The following FANCL variants were observed in gnomAD, a reference collection of about 807,000 sequenced individuals.
FANCL encodes the protein FA complementation group L.
In FANCL, 69 loss-of-function variants were observed where a neutral mutation model predicts 59.4. The observed-to-expected ratio is 1.16, with a 90% CI of 0.96 to 1.42. The LOEUF (loss-of-function observed/expected upper bound fraction) is 1.42. Ranked by LOEUF, FANCL falls within the 40% of genes most tolerant of loss-of-function variation. The pLI, the probability that FANCL is intolerant of heterozygous loss-of-function variation, is 0.00. For missense variants in FANCL, 519 were observed against 447.2 expected (o/e 1.16, Z -1.45); for synonymous variants, 180 against 147.1 (o/e 1.22, Z -1.62).
At position 58,217,166 on chromosome 2, in the gene FANCL, TTATATATATATATATATA is replaced by T. The variant is rs1158149205; in HGVS notation, c.374+4758_374+4775del. Among the ~76,000 whole-genome samples, 28 of 47,346 alleles carry T rather than the reference TTATATATATATATATATA, an allele frequency of 5.9e-4. 1 individual carries two copies. The highest frequency in any genetic ancestry group is 7.8e-4 in the East Asian group (1 of 1,284). 31.1% of individuals were successfully genotyped at this position (47,346 alleles called of 152,430 possible). ...AGATTTATATATATATTTATATATT[TTATATATATATATATATA>T]TATATATATATATATATATATATAT... On this transcript the variant is annotated intron_variant, in intron 5 of 13. Transcript: ENST00000233741.
At chr2:58,181,956 AAAT>A (rs1396042403) in intron 7 of FANCL, among the ~76,000 whole-genome samples, 2 of 151,844 alleles carry the variant, frequency 1.3e-5, no homozygotes, top group Non-Finnish European at 3.0e-5. Context: ...CTATATATTT[AAAT>A]AATATATTTA....
chr2:58,162,047 A>T (rs848290), intron 11 of FANCL, among the ~76,000 whole-genome samples: 7,720 of 151,944 alleles, frequency 0.051, 264 homozygotes, highest in South Asian at 0.091. Flanking sequence ...GGCTGGCAAG[A>T]TGTTTGGGCA....
intron 1 of FANCL, among the ~76,000 whole-genome samples, chr2:58,233,790 G>A (rs990786016): frequency 6.6e-6 from 1 of 151,978 alleles, no homozygotes; most frequent in African/African-American, 2.4e-5. Context: ...CCTACAAAGA[G>A]AAGACTTAAT....
chr2:58,174,677 G>C (rs550727668), intron 7 of FANCL, among the ~76,000 whole-genome samples: 3 of 152,074 alleles, frequency 2.0e-5, no homozygotes, highest in African/African-American at 7.2e-5. Flanking sequence ...ATGCCCACAA[G>C]AGAAAGCAGC....
At chr2:58,168,535 T>C (rs13032851) in intron 7 of FANCL, among the ~76,000 whole-genome samples, 12,048 of 152,048 alleles carry the variant, frequency 0.079, 629 homozygotes, top group East Asian at 0.2. Context: ...TGGGCAGACA[T>C]TGAGCTAGCT....
At position 58,161,495 on chromosome 2, in the gene FANCL, A is replaced by G. The variant is rs537972203; in HGVS notation, c.1020+27T>C. 7.2e-6 allele frequency: 10 copies of G among 1,384,118 alleles called. No individual in the cohort carries two copies. In the East Asian group the frequency reaches 2.1e-4, roughly 29 times the overall value. 85.7% of individuals were successfully genotyped at this position (1,384,118 alleles called of 1,614,324 possible). A position where few individuals can be genotyped will look rare whatever the true frequency, so the allele number is the denominator to read the frequency against. ...TTCCTATGTTGTGTTAGCGGAAAAA[A>G]GTCTTGACAATATTTTTATTTTTTA... On this transcript the variant is annotated intron_variant, in intron 12 of 13. Transcript: ENST00000233741.
intron 1 of FANCL, 105 bp from the exon 2 acceptor site, chr2:58,232,217 AAAAGGTATC>A (rs1693651882): frequency 8.7e-6 from 8 of 924,272 alleles, no homozygotes; most frequent in Non-Finnish European, 1.4e-5. Context: ...TTTATTTTCT[AAAAGGTATC>A]AATTTTATCC....
chr2:58,162,794 T>G, intron 11 of FANCL, 72 bp downstream of exon 11: 1 of 1,324,642 alleles, frequency 7.5e-7, no homozygotes, highest in Non-Finnish European at 1.1e-6. Context: ...CAGCCTCATT[T>G]TTCACTGAGA....
chr2:58,199,497 G>A (rs116207521), intron 6 of FANCL, among the ~76,000 whole-genome samples: 2,189 of 152,150 alleles, frequency 0.014, 68 homozygotes, highest in African/African-American at 0.051. Flanking sequence ...TAAAAAGAAT[G>A]AAATATCTTC....
intron 7 of FANCL, among the ~76,000 whole-genome samples, chr2:58,186,722 C>T (rs1688438108): frequency 1.3e-5 from 2 of 152,142 alleles, no homozygotes; most frequent in African/African-American, 4.8e-5. Flanking sequence ...CATCCTTGGT[C>T]TTACAGCATT....
chr2:58,241,119 C>T (rs1467648647), intron 1 of FANCL, 99 bp downstream of exon 1: 3 of 1,300,322 alleles, frequency 2.3e-6, no homozygotes, highest in Admixed American at 3.7e-5. Flanking sequence ...TCAATCCCCA[C>T]AAGTCTGGGC....
At position 58,161,601 on chromosome 2, in the gene FANCL, T is replaced by C. The variant is rs1276804890; in HGVS notation, c.941A>G (p.Gln314Arg). 2.5e-6 allele frequency: 4 copies of C among 1,611,514 alleles called. No individual in the cohort carries two copies. Among genetic ancestry groups the C allele is most frequent in the Non-Finnish European group, 3.4e-6 (4 of 1,178,134 alleles). The change falls in exon 12 of 14, where the codon CAA becomes CGA. Residue 314 changes from glutamine (Q) to arginine (R), a missense_variant. Physicochemically the swap from Gln to Arg is conservative, Grantham distance 43. Coordinates refer to ENST00000233741, the MANE Select transcript of FANCL (RefSeq NM_018062.4). ...TTGATCAGGAATGGTACCGTCAAGT[T>C]GATAAGCATAACAAATTCCACAATC... ...TMDCGICYAY[Q>R]LDGTIPDQVC...
intron 7 of FANCL, among the ~76,000 whole-genome samples, chr2:58,182,892 T>G (rs1044576438): frequency 1.3e-5 from 2 of 151,804 alleles, no homozygotes; most frequent in Admixed American, 1.3e-4. Context: ...GTCTCATCCC[T>G]AGCTCTACCA....
intron 6 of FANCL, among the ~76,000 whole-genome samples, chr2:58,200,132 C>T (rs1689851214): frequency 6.6e-6 from 1 of 151,068 alleles, no homozygotes; most frequent in Non-Finnish European, 1.5e-5. Context: ...AAATATCATG[C>T]TGAAATTAAA....
intron 7 of FANCL, among the ~76,000 whole-genome samples, chr2:58,178,413 A>C (rs1687584439): frequency 6.6e-6 from 1 of 152,200 alleles, no homozygotes; most frequent in Non-Finnish European, 1.5e-5. Context: ...CCTAGGATTC[A>C]AGGCTGGTTC....
Position 58,160,114 on chromosome 2 carries a change from A to G in FANCL, c.1086T>C (p.Cys362=). The G allele has an allele frequency of 6.2e-7, 1 of 1,612,552 alleles. No individual in the cohort carries two copies. The highest frequency in any genetic ancestry group is 8.5e-7 in the Non-Finnish European group (1 of 1,178,816). The change falls in exon 13 of 14, where the codon TGT becomes TGC. Residue 362 remains cysteine (C), a synonymous_variant. Coordinates refer to ENST00000233741, the MANE Select transcript of FANCL (RefSeq NM_018062.4). ...TGATTAACAATTTGCTTACCTTACT[A>G]CAATATGGACATTCACCAAATATGA... is the stretch of plus-strand genomic sequence containing the variant. ...FNIIFGECPY[C]SKPITLKMSG...
At chr2:58,221,831 T>G (rs1369471216) in intron 5 of FANCL, 111 bp downstream of exon 5, 1 of 740,030 alleles carries the variant, frequency 1.4e-6, no homozygotes, top group Non-Finnish European at 2.3e-6. Context: ...ATACTCTAGT[T>G]ACAATTAAAC....
In FANCL at chr2:58,163,253, CATT is replaced by C. The variant is rs1388570503; in HGVS notation, c.775+178_775+180del. ...AGACATTGTCATTTAAAATAACTAT[CATT>C]ATTGCGGTGAACCGAGATCGCGCCA... On this transcript the variant is annotated intron_variant, in intron 9 of 13. Transcript: ENST00000233741. 214 of 738,454 alleles carry C rather than the reference CATT, an allele frequency of 2.9e-4. 1 individual carries two copies. In the East Asian group the frequency reaches 5.3e-3, roughly 18 times the overall value. The allele number at this position is 738,454 out of a possible 1,614,324, so 45.7% of individuals were successfully genotyped here.
chr2:58,213,819 T>C (rs142083861), intron 5 of FANCL: 2 of 152,248 alleles, frequency 1.3e-5, no homozygotes, highest in African/African-American at 4.8e-5. Flanking sequence ...TTTGAAACTC[T>C]CCAAGGGTGT....
Sources: gnomAD v4.1 joint callset for allele counts (sites outside exome capture counted in the v4.1 genomes callset) on GRCh38, gnomAD v4.1.1 for gene constraint, MANE v1.5 for transcripts, NCBI Gene and HGNC (gene_info 2026-07-23, HGNC 2026-07-21) for gene names.